The following CHL1 variants were observed in gnomAD, a reference collection of about 807,000 sequenced individuals.
CHL1 encodes the protein cell adhesion molecule L1 like.
In CHL1, 96 loss-of-function variants were observed where a neutral mutation model predicts 141.9. The observed-to-expected ratio is 0.68, with a 90% CI of 0.57 to 0.80. The LOEUF is 0.80. CHL1 is among the 30% of genes least tolerant of loss of function. The pLI is 0.00. For synonymous variants in CHL1, 613 were observed against 502.2 expected (o/e 1.22, Z -2.95); for missense variants, 1,820 against 1,457.2 (o/e 1.25, Z -4.05).
At chr3:367,406 A>T (rs1262332316) in intron 15 of CHL1, among the ~76,000 whole-genome samples, 1 of 152,238 alleles carries the variant, frequency 6.6e-6, no homozygotes, top group African/African-American at 2.4e-5. Context: ...ATCTCAGCTC[A>T]GTCACTTATT....
intron 1 of CHL1, among the ~76,000 whole-genome samples, chr3:238,393 T>A (rs377708642): frequency 6.6e-6 from 1 of 150,634 alleles, no homozygotes; most frequent in South Asian, 2.1e-4. Context: ...AAAGATCAAT[T>A]GAGATCAGAT....
At chr3:369,137 T>G (rs1204438403) in intron 15 of CHL1, among the ~76,000 whole-genome samples, 3 of 152,210 alleles carry the variant, frequency 2.0e-5, no homozygotes, top group Non-Finnish European at 4.4e-5. Context: ...GTGTAGAATG[T>G]CAATGGTAGT....
Position 235,486 on chromosome 3 carries a change from C to A in CHL1, c.-174-9127C>A, listed in dbSNP as rs529777680. Among the ~76,000 whole-genome samples, 5 of 152,156 alleles carry A rather than the reference C, an allele frequency of 3.3e-5. No homozygotes were observed. The South Asian group carries it at 1.0e-3, about 32-fold the overall frequency. ...GTAGTTAGCCCTGTATAAATGTATC[C>A]CATTATCATTACCAAAGAAGCTTGA... On this transcript the variant is annotated intron_variant, in intron 1 of 27. Coordinates refer to ENST00000256509, the MANE Select transcript of CHL1 (RefSeq NM_006614.4).
chr3:373,014 C>A (rs1221693076), intron 15 of CHL1, among the ~76,000 whole-genome samples: 4 of 152,170 alleles, frequency 2.6e-5, no homozygotes, highest in African/African-American at 9.7e-5. Flanking sequence ...AGGTCACCAA[C>A]CTGTTGGCAG....
chr3:399,794 G>A (rs1397285735), intron 26 of CHL1, among the ~76,000 whole-genome samples: 7 of 152,098 alleles, frequency 4.6e-5, no homozygotes, highest in Admixed American at 6.5e-5. Flanking sequence ...TGTATAGCAC[G>A]CCTCTCTCTA....
At chr3:314,358 T>G (rs1254174019) in intron 2 of CHL1, among the ~76,000 whole-genome samples, 1 of 127,594 alleles carries the variant, frequency 7.8e-6, no homozygotes, top group East Asian at 2.1e-4. Context: ...TATATATATA[T>G]ATATATATAT....
intron 2 of CHL1, among the ~76,000 whole-genome samples, chr3:260,761 C>A (rs1694643456): frequency 6.6e-6 from 1 of 152,168 alleles, no homozygotes; most frequent in African/African-American, 2.4e-5. Flanking sequence ...GAAGGAGAAA[C>A]TCTTATTTCC....
chr3:213,306 G>C (rs1700047981), intron 1 of CHL1: 2 of 152,186 alleles, frequency 1.3e-5, no homozygotes, highest in Admixed American at 6.5e-5. Context: ...CTGATAGACT[G>C]TTCAAGGAGA....
At chr3:395,001 T>C in intron 24 of CHL1, 129 bp downstream of exon 24, 1 of 757,168 alleles carries the variant, frequency 1.3e-6, no homozygotes, top group Non-Finnish European at 2.0e-6. Context: ...TCCCACTCTG[T>C]CTGACCTTCT....
At position 314,329 on chromosome 3, in the gene CHL1, G is replaced by A. The variant is rs4998345; in HGVS notation, c.-94-5354G>A. ...TCTCTTTCTCTCTCTCTCTCTATGTGTATATATATATATATATATATATAT... is the reference window on the plus strand; with the variant it reads ...TCTCTTTCTCTCTCTCTCTCTATGTATATATATATATATATATATATATAT... On this transcript the variant is annotated intron_variant, in intron 2 of 27. Transcript: ENST00000256509. 7.8e-3 allele frequency among the ~76,000 whole-genome samples: 508 copies of A among 65,200 alleles called. 16 individuals are homozygous for A. The highest frequency in any genetic ancestry group is 0.024 in the African/African-American group (464 of 18,952). 42.8% of individuals were successfully genotyped at this position (65,200 alleles called of 152,430 possible).
chr3:388,558 A>T (rs1385383534), intron 19 of CHL1, among the ~76,000 whole-genome samples: 1 of 152,104 alleles, frequency 6.6e-6, no homozygotes, highest in Non-Finnish European at 1.5e-5. Flanking sequence ...AAGAAAAAAA[A>T]AAAAAAAAAG....
chr3:383,499 T>TA (rs200468339), intron 18 of CHL1, among the ~76,000 whole-genome samples: 7 of 152,166 alleles, frequency 4.6e-5, no homozygotes, highest in African/African-American at 1.7e-4. Context: ...AATTTTTTTT[T>TA]AAAAAAGCAG....
intron 8 of CHL1, 40 bp downstream of exon 8, chr3:343,071 G>A: frequency 6.7e-7 from 1 of 1,493,924 alleles, no homozygotes; most frequent in African/African-American, 1.4e-5. Context: ...TTTGTGTATA[G>A]CTCATTGTCA....
chr3:315,764 C>A (rs902071147), intron 2 of CHL1, among the ~76,000 whole-genome samples: 1 of 152,056 alleles, frequency 6.6e-6, no homozygotes, highest in African/African-American at 2.4e-5. Flanking sequence ...ATTGAAGCGA[C>A]TGCATTGTCT....
intron 18 of CHL1, among the ~76,000 whole-genome samples, chr3:383,493 T>G (rs980707069): frequency 2.0e-5 from 3 of 152,162 alleles, no homozygotes; most frequent in Non-Finnish European, 2.9e-5. Context: ...AATTAAAATT[T>G]TTTTTTAAAA....
At chr3:298,757 T>C (rs332479) in intron 2 of CHL1, among the ~76,000 whole-genome samples, 87,099 of 152,040 alleles carry the variant, frequency 0.57, 27,837 homozygotes, top group African/African-American at 0.87. Context: ...AGACCTATTA[T>C]TTGACCATAT....
At chr3:374,140 T>C (rs180733395) in intron 15 of CHL1, 17 of 151,436 alleles carry the variant, frequency 1.1e-4, no homozygotes, top group African/African-American at 4.1e-4. Flanking sequence ...TTGGTCTATG[T>C]TGGTATTTAT....
intron 1 of CHL1, among the ~76,000 whole-genome samples, chr3:233,492 G>A (rs1288045360): frequency 6.6e-6 from 1 of 152,046 alleles, no homozygotes; most frequent in African/African-American, 2.4e-5. Context: ...TTATTTTGAT[G>A]TAAAAAAATG....
At chr3:346,257 A>G (rs1455247295) in intron 9 of CHL1, among the ~76,000 whole-genome samples, 3 of 152,210 alleles carry the variant, frequency 2.0e-5, no homozygotes, top group Non-Finnish European at 4.4e-5. Flanking sequence ...ATGTGTATTT[A>G]CATAAATTAG....
Sources: gnomAD v4.1 joint callset for allele counts (sites outside exome capture counted in the v4.1 genomes callset) on GRCh38, gnomAD v4.1.1 for gene constraint, MANE v1.5 for transcripts, NCBI Gene and HGNC (gene_info 2026-07-23, HGNC 2026-07-21) for gene names.